The following EMP2 variants were observed in gnomAD, a reference collection of about 807,000 sequenced individuals.
EMP2 encodes the protein epithelial membrane protein 2.
Under a neutral mutation model 13.7 loss-of-function variants are expected in EMP2, and 19 were observed. That is an observed-to-expected ratio of 1.38 (90% CI 0.97 to 2.03). The LOEUF (loss-of-function observed/expected upper bound fraction) is 2.03. EMP2 is among the 30% of genes most tolerant of loss of function. EMP2 has a pLI of 0.00. For missense variants in EMP2, 253 were observed against 220.7 expected, an observed-to-expected ratio of 1.15 and a Z score of -0.93; for synonymous variants, 97 against 84.7, an observed-to-expected ratio of 1.15 and a Z score of -0.80.
intron 1 of EMP2, among the ~76,000 whole-genome samples, chr16:10,552,003 A>G (rs559926627): frequency 1.3e-5 from 2 of 152,282 alleles, no homozygotes; most frequent in Admixed American, 1.3e-4. Flanking sequence ...GAAGGACCCA[A>G]TGAACCAGCT....
intron 1 of EMP2, among the ~76,000 whole-genome samples, chr16:10,549,611 G>GAA (rs113887487): frequency 0.024 from 3,688 of 151,724 alleles, 162 homozygotes; most frequent in African/African-American, 0.085. Flanking sequence ...CATTTTTTTG[G>GAA]AAAAAAATTA....
At chr16:10,554,271 A>T (rs878874915) in intron 1 of EMP2, among the ~76,000 whole-genome samples, 17 of 152,174 alleles carry the variant, frequency 1.1e-4, no homozygotes, top group Admixed American at 5.2e-4. Flanking sequence ...ACCTCAGGTG[A>T]TCCACCAGCC....
At chr16:10,536,095 C>T (rs1452606510) in intron 4 of EMP2, among the ~76,000 whole-genome samples, 1 of 152,188 alleles carries the variant, frequency 6.6e-6, no homozygotes, top group Non-Finnish European at 1.5e-5. Context: ...CACTCTCATT[C>T]TCCACCTGTA....
chr16:10,539,261 TTTTCC>T (rs1300159715), intron 3 of EMP2, among the ~76,000 whole-genome samples: 1 of 152,190 alleles, frequency 6.6e-6, no homozygotes, highest in African/African-American at 2.4e-5. Context: ...TCTGTCTTTT[TTTTCC>T]TTCAATTTTG....
chr16:10,554,773 G>A (rs1379469864), intron 1 of EMP2, among the ~76,000 whole-genome samples: 1 of 152,076 alleles, frequency 6.6e-6, no homozygotes, highest in African/African-American at 2.4e-5. Context: ...CGGTTCCCCT[G>A]AACACGGTTC....
intron 1 of EMP2, among the ~76,000 whole-genome samples, chr16:10,552,560 A>G (rs1276178136): frequency 6.6e-6 from 1 of 152,224 alleles, no homozygotes; most frequent in African/African-American, 2.4e-5. Flanking sequence ...AAAAGAGAAA[A>G]CAGATCTTTG....
chr16:10,535,361 C>G (rs1322017130), intron 4 of EMP2, among the ~76,000 whole-genome samples: 1 of 151,922 alleles, frequency 6.6e-6, no homozygotes, highest in African/African-American at 2.4e-5. Context: ...ATATAAAATT[C>G]CTAAATACAT....
intron 3 of EMP2, among the ~76,000 whole-genome samples, chr16:10,538,383 G>A (rs1251739129): frequency 6.6e-6 from 1 of 152,168 alleles, no homozygotes; most frequent in Non-Finnish European, 1.5e-5. Context: ...ATGGACAGGG[G>A]AATCTTTTGA....
At chr16:10,572,955 G>A (rs1447678063) in intron 1 of EMP2, among the ~76,000 whole-genome samples, 5 of 152,170 alleles carry the variant, frequency 3.3e-5, no homozygotes, top group Non-Finnish European at 5.9e-5. Context: ...AAGACAACTG[G>A]GACCCCAAAG....
chr16:10,573,300 C>A (rs2050960355), intron 1 of EMP2, among the ~76,000 whole-genome samples: 1 of 152,166 alleles, frequency 6.6e-6, no homozygotes, highest in Admixed American at 6.5e-5. Context: ...AATCCTCCTG[C>A]CTAACCCTCC....
intron 1 of EMP2, among the ~76,000 whole-genome samples, chr16:10,550,654 C>T (rs1441126936): frequency 3.3e-5 from 5 of 152,140 alleles, no homozygotes; most frequent in Non-Finnish European, 7.4e-5. Flanking sequence ...GATTCTTTCA[C>T]TGTACATTTC....
At chr16:10,558,281 C>A (rs1009344517) in intron 1 of EMP2, among the ~76,000 whole-genome samples, 5 of 152,172 alleles carry the variant, frequency 3.3e-5, no homozygotes, top group African/African-American at 1.2e-4. Flanking sequence ...CCCACCTTGG[C>A]CTCCCAAAGT....
At chr16:10,572,106 G>C (rs570097974) in intron 1 of EMP2, among the ~76,000 whole-genome samples, 3 of 152,258 alleles carry the variant, frequency 2.0e-5, no homozygotes, top group African/African-American at 7.2e-5. Flanking sequence ...GGAGAAAGAG[G>C]GAATTTTTCA....
At chr16:10,553,910 G>A (rs918756473) in intron 1 of EMP2, among the ~76,000 whole-genome samples, 1 of 152,140 alleles carries the variant, frequency 6.6e-6, no homozygotes, top group Non-Finnish European at 1.5e-5. Context: ...AAGAGTATGT[G>A]CATTTATTTT....
chr16:10,547,999 A>G (rs2050752934), intron 1 of EMP2, among the ~76,000 whole-genome samples: 1 of 151,708 alleles, frequency 6.6e-6, no homozygotes, highest in South Asian at 2.1e-4. Flanking sequence ...GCGCCACTGC[A>G]CTCCAGCCTG....
intron 1 of EMP2, among the ~76,000 whole-genome samples, chr16:10,568,676 C>A (rs1418469356): frequency 6.6e-6 from 1 of 152,030 alleles, no homozygotes; most frequent in Non-Finnish European, 1.5e-5. Context: ...CCGACAGAGA[C>A]CAAGAGGACG....
chr16:10,537,994 G>A lies in EMP2; in HGVS notation c.250C>T (p.Leu84Phe). 1 of 1,614,138 alleles carries A rather than the reference G, an allele frequency of 6.2e-7. No homozygotes were observed. The highest frequency in any genetic ancestry group is 8.5e-7 in the Non-Finnish European group (1 of 1,180,018). The change falls in exon 4 of 5, where the codon CTC becomes TTC. Residue 84 changes from leucine to phenylalanine, a missense_variant. Leu to Phe is a conservative substitution (Grantham distance 22, BLOSUM62 0). Transcript: ENST00000359543. ...CCCTGCTTCAGGCGGAAGAGCTGGA[G>A]CACGAAGATGAAGAAGGCGATGCAG... ...LCCIAFFIFV[L>F]QLFRLKQGER...
chr16:10,552,069 G>A (rs940691222), intron 1 of EMP2, among the ~76,000 whole-genome samples: 25 of 150,658 alleles, frequency 1.7e-4, no homozygotes, highest in Non-Finnish European at 2.2e-4. Context: ...TTAGGCCTGC[G>A]TCATTCTTAG....
chr16:10,572,259 C>G (rs2050953475), intron 1 of EMP2, among the ~76,000 whole-genome samples: 1 of 151,988 alleles, frequency 6.6e-6, no homozygotes, highest in African/African-American at 2.4e-5. Context: ...AATTCGAGAG[C>G]TGCCTGGGTG....
Sources: gnomAD v4.1 joint callset for allele counts (sites outside exome capture counted in the v4.1 genomes callset) on GRCh38, gnomAD v4.1.1 for gene constraint, MANE v1.5 for transcripts, NCBI Gene and HGNC (gene_info 2026-07-23, HGNC 2026-07-21) for gene names.